The following CLDN10 variants were observed in gnomAD, a reference collection of about 807,000 sequenced individuals.
The protein encoded by CLDN10 is claudin-10.
CLDN10 carries 15 observed loss-of-function variants against 22.9 expected under a neutral mutation model. The observed-to-expected ratio is 0.65, with a 90% confidence interval of 0.44 to 1.01. The LOEUF (loss-of-function observed/expected upper bound fraction) is 1.01, where lower values mean the gene tolerates loss of function less well. Ranked by LOEUF, CLDN10 falls within the 50% of genes least tolerant of loss-of-function variation. CLDN10 has a pLI of 0.00. For missense variants in CLDN10, 247 were observed against 287.8 expected, an observed-to-expected ratio of 0.86 and a Z score of 1.03; for synonymous variants, 114 against 111.4, an observed-to-expected ratio of 1.02 and a Z score of -0.15.
At chr13:95,558,797 C>T (rs1395505365) in intron 1 of CLDN10, among the ~76,000 whole-genome samples, 4 of 152,180 alleles carry the variant, frequency 2.6e-5, no homozygotes, top group South Asian at 2.1e-4. Context: ...TGGGGGCAAG[C>T]GCCTATGGTT....
chr13:95,555,534 G>T (rs1566334862), intron 1 of CLDN10, among the ~76,000 whole-genome samples: 1 of 152,080 alleles, frequency 6.6e-6, no homozygotes, highest in Non-Finnish European at 1.5e-5. Context: ...TATGTAGGTT[G>T]CAATCTCACA....
chr13:95,490,248 T>C (rs1265838211), intron 1 of CLDN10, among the ~76,000 whole-genome samples: 1 of 152,230 alleles, frequency 6.6e-6, no homozygotes, highest in Non-Finnish European at 1.5e-5. Flanking sequence ...TTTCCAACTC[T>C]GTGAAGAACG....
At chr13:95,524,965 T>A (rs2043265498) in intron 1 of CLDN10, among the ~76,000 whole-genome samples, 1 of 151,940 alleles carries the variant, frequency 6.6e-6, no homozygotes, top group Non-Finnish European at 1.5e-5. Flanking sequence ...GTTCAAGCAA[T>A]TCTCCTGCCT....
intron 1 of CLDN10, among the ~76,000 whole-genome samples, chr13:95,477,773 T>A (rs2042699521): frequency 6.6e-6 from 1 of 152,104 alleles, no homozygotes; most frequent in Non-Finnish European, 1.5e-5. Context: ...AATCTGAATC[T>A]GCAACACCCT....
At chr13:95,481,065 C>T (rs2042742177) in intron 1 of CLDN10, among the ~76,000 whole-genome samples, 1 of 152,102 alleles carries the variant, frequency 6.6e-6, no homozygotes, top group South Asian at 2.1e-4. Context: ...CACTCTCCGT[C>T]CACCCTGTAA....
At chr13:95,539,611 G>C (rs1232389800) in intron 1 of CLDN10, among the ~76,000 whole-genome samples, 2 of 152,188 alleles carry the variant, frequency 1.3e-5, no homozygotes, top group Admixed American at 1.3e-4. Flanking sequence ...ATATACAAAG[G>C]TAAGTTAGTA....
intron 1 of CLDN10, among the ~76,000 whole-genome samples, chr13:95,453,874 G>A (rs1221655867): frequency 6.6e-6 from 1 of 152,108 alleles, no homozygotes; most frequent in African/African-American, 2.4e-5. Flanking sequence ...CAGCACTCTG[G>A]GAGGCCAAGG....
chr13:95,522,012 C>A (rs1212473191), intron 1 of CLDN10, among the ~76,000 whole-genome samples: 1 of 151,868 alleles, frequency 6.6e-6, no homozygotes, highest in African/African-American at 2.4e-5. Flanking sequence ...CTGATGCCTC[C>A]TTTTTCTTTC....
At chr13:95,536,666 C>A in intron 1 of CLDN10, among the ~76,000 whole-genome samples, 1 of 152,262 alleles carries the variant, frequency 6.6e-6, no homozygotes, top group Non-Finnish European at 1.5e-5. Flanking sequence ...GCCATCTATG[C>A]GTTGCAGTTA....
chr13:95,478,127 A>G (rs755613811), intron 1 of CLDN10, among the ~76,000 whole-genome samples: 1 of 150,690 alleles, frequency 6.6e-6, no homozygotes, highest in Non-Finnish European at 1.5e-5. Context: ...CAACATGGCA[A>G]AACACCATAT....
chr13:95,517,933 CA>C (rs35780641), intron 1 of CLDN10, among the ~76,000 whole-genome samples: 28,925 of 93,916 alleles, frequency 0.31, 3,323 homozygotes, highest in East Asian at 0.43. Context: ...AACTCCACCT[CA>C]AAAAAAAAAA....
chr13:95,522,051 T>C (rs937097646), intron 1 of CLDN10, among the ~76,000 whole-genome samples: 1 of 152,058 alleles, frequency 6.6e-6, no homozygotes, highest in Non-Finnish European at 1.5e-5. Flanking sequence ...GCTGCTTCTT[T>C]TCTTTTTCTT....
intron 3 of CLDN10, among the ~76,000 whole-genome samples, chr13:95,571,151 C>CTGGTGG (rs2043853672): frequency 6.6e-6 from 1 of 151,800 alleles, no homozygotes; most frequent in Non-Finnish European, 1.5e-5. Context: ...AAGCATCCAC[C>CTGGTGG]ACAGTGACAC....
Position 95,560,252 on chromosome 13 carries a change from C to G in CLDN10, c.341C>G (p.Ala114Gly). 2 of 1,614,158 alleles carry G rather than the reference C, an allele frequency of 1.2e-6. No homozygotes were observed. The highest frequency in any genetic ancestry group is 8.5e-7 in the Non-Finnish European group (1 of 1,180,012). Residue 114 changes from alanine (A) to glycine (G), a missense_variant, in exon 2 of 5, where the codon GCT becomes GGT. Ala to Gly is a moderately conservative substitution (Grantham distance 60). Coordinates refer to ENST00000299339, the MANE Select transcript of CLDN10 (RefSeq NM_006984.5). ...TKVGGSDKAK[A>G]KIACLAGIVF... ...GTCGGAGGCTCCGATAAAGCCAAAG[C>G]TAAAATTGCTTGTTTGGCTGGGATT...
chr13:95,518,765 A>T (rs2389312), intron 1 of CLDN10, among the ~76,000 whole-genome samples: 1 of 110,376 alleles, frequency 9.1e-6, no homozygotes, highest in African/African-American at 3.3e-5. Context: ...TCAAAAAAAA[A>T]AAAATAAATA....
chr13:95,550,587 T>C (rs374419912), upstream of CLDN10, among the ~76,000 whole-genome samples: 14 of 152,244 alleles, frequency 9.2e-5, no homozygotes, highest in African/African-American at 2.6e-4. Context: ...AATGTTATGG[T>C]TAGTGGGTTT....
rs58891166 is a variant in CLDN10 at position 95,471,941 on chromosome 13, ATTT to A, written c.214+37915_214+37917del. The stretch of plus-strand genomic sequence containing the variant: ...AAGGCGCATGCCACCACACTCAGCT[ATTT>A]TTTTTTTTTTTTTTTTTTTTGGTAG... On this transcript the variant is annotated intron_variant, in intron 1 of 4. Coordinates refer to the CLDN10 transcript ENST00000376873. Among the ~76,000 whole-genome samples the A allele has an allele frequency of 5.0e-3, 478 of 95,804 alleles. 3 individuals are homozygous for A. Among genetic ancestry groups the A allele is most frequent in the African/African-American group, 0.019 (448 of 24,130 alleles). The allele number at this position is 95,804 out of a possible 152,430, so 62.9% of individuals were successfully genotyped here.
chr13:95,528,652 T>C (rs1213242398), intron 1 of CLDN10: 1 of 152,094 alleles, frequency 6.6e-6, no homozygotes, highest in African/African-American at 2.4e-5. Flanking sequence ...ATAAACAAGA[T>C]GATTCCTTCT....
chr13:95,513,927 A>T (rs2043133598), intron 1 of CLDN10, among the ~76,000 whole-genome samples: 1 of 152,218 alleles, frequency 6.6e-6, no homozygotes, highest in African/African-American at 2.4e-5. Context: ...GCCAGCTTGC[A>T]TCAGCTCTCA....
Sources: gnomAD v4.1 joint callset for allele counts (sites outside exome capture counted in the v4.1 genomes callset) on GRCh38, gnomAD v4.1.1 for gene constraint, MANE v1.5 for transcripts, NCBI Gene and HGNC (gene_info 2026-07-23, HGNC 2026-07-21) for gene names.